ARPC1A: variants seen among roughly 807,000 people sequenced by gnomAD.
ARPC1A encodes the protein actin-related protein 2/3 complex subunit 1A.
ARPC1A carries 8 observed loss-of-function variants against 46.9 expected under a neutral mutation model. The observed-to-expected ratio is 0.17, with a 90% CI of 0.10 to 0.31. The LOEUF (loss-of-function observed/expected upper bound fraction) is 0.31, where lower values mean the gene tolerates loss of function less well. Among genes scored for constraint, ARPC1A ranks in the 10% least tolerant of loss-of-function variants. The pLI is 1.00. For missense variants in ARPC1A, 286 were observed against 483.6 expected, an observed-to-expected ratio of 0.59 and a Z score of 3.83; for synonymous variants, 152 against 169.0, an observed-to-expected ratio of 0.90 and a Z score of 0.78.
At chr7:99,360,457 C>G (rs977075834) in intron 8 of ARPC1A, among the ~76,000 whole-genome samples, 1 of 151,820 alleles carries the variant, frequency 6.6e-6, no homozygotes. Flanking sequence ...TCCCAAGAAG[C>G]TGGGATTACA....
intron 1 of ARPC1A, among the ~76,000 whole-genome samples, chr7:99,327,416 T>C (rs1217306155): frequency 1.3e-5 from 2 of 152,054 alleles, no homozygotes. Context: ...GTTCAAGCGA[T>C]TCTCCTGCCT....
chr7:99,332,792 G>A lies in ARPC1A; in HGVS notation c.-29-533G>A, dbSNP rs189626993. Among the ~76,000 whole-genome samples, 336 of 144,836 alleles carry A rather than the reference G, an allele frequency of 2.3e-3. 1 individual carries two copies. Among genetic ancestry groups the A allele is most frequent in the Non-Finnish European group, 3.8e-3 (247 of 64,546 alleles). On this transcript the variant is annotated intron_variant, in intron 1 of 9. Coordinates refer to ENST00000262942, the MANE Select transcript of ARPC1A (RefSeq NM_006409.4). The stretch of plus-strand genomic sequence containing the variant: ...AATTTTTTGTATTTTTAGTAGAGAC[G>A]GGGTTTCACCGTGTTAGCCAGGATG...
At chr7:99,338,446 C>T (rs970319593) in intron 3 of ARPC1A, among the ~76,000 whole-genome samples, 161 bp downstream of exon 3, 16 of 133,420 alleles carry the variant, frequency 1.2e-4, no homozygotes, top group Non-Finnish European at 1.2e-4. Flanking sequence ...ACTGCAATGG[C>T]GCAATCTCGG....
intron 3 of ARPC1A, among the ~76,000 whole-genome samples, chr7:99,339,591 A>T (rs1229716807): frequency 6.6e-6 from 1 of 152,214 alleles, no homozygotes; most frequent in Admixed American, 6.5e-5. Flanking sequence ...GAAGCTACAT[A>T]AATGGCATGA....
chr7:99,354,149 TG>T (rs1381286464), intron 6 of ARPC1A, 28 bp downstream of exon 6: 19 of 1,604,376 alleles, frequency 1.2e-5, no homozygotes, highest in Non-Finnish European at 1.6e-5. Flanking sequence ...ATTTGGAAGG[TG>T]GGGAACAAGG....
chr7:99,346,595 T>G lies in ARPC1A; in HGVS notation c.392+2080T>G, dbSNP rs73709648. ...TGTAGAACAATTATTTCATATTTCA[T>G]AGGAGTACTTTAAAACAACTTCTCA... On this transcript the variant is annotated intron_variant, in intron 4 of 9. Transcript: ENST00000262942. Among the ~76,000 whole-genome samples the G allele has an allele frequency of 8.1e-3, 1,239 of 152,302 alleles. 17 individuals are homozygous for G. The highest frequency in any genetic ancestry group is 0.026 in the African/African-American group (1,095 of 41,564).
chr7:99,356,102 T>C (rs943259173), intron 6 of ARPC1A, among the ~76,000 whole-genome samples: 1 of 152,166 alleles, frequency 6.6e-6, no homozygotes, highest in Non-Finnish European at 1.5e-5. Flanking sequence ...TCCTTTTCCA[T>C]TGATAGCTAA....
chr7:99,363,118 C>T (rs1050266224), intron 8 of ARPC1A, among the ~76,000 whole-genome samples: 1 of 152,152 alleles, frequency 6.6e-6, no homozygotes, highest in African/African-American at 2.4e-5. Context: ...TGGGCTGGGT[C>T]ATTCCTGCTT....
At chr7:99,349,851 A>G (rs932911440) in intron 5 of ARPC1A, among the ~76,000 whole-genome samples, 1 of 151,848 alleles carries the variant, frequency 6.6e-6, no homozygotes, top group African/African-American at 2.4e-5. Flanking sequence ...AAATAAATAA[A>G]TAAATAAAAG....
intron 3 of ARPC1A, among the ~76,000 whole-genome samples, chr7:99,343,848 GT>G (rs781062668): frequency 6.6e-6 from 1 of 152,104 alleles, no homozygotes; most frequent in Admixed American, 6.6e-5. Flanking sequence ...TATTTACCCT[GT>G]ATGCTGTTTT....
chr7:99,338,147 C>G (rs1229200789), intron 2 of ARPC1A, 34 bp from the exon 3 acceptor site: 1 of 1,490,862 alleles, frequency 6.7e-7, no homozygotes, highest in Non-Finnish European at 9.3e-7. Flanking sequence ...ATTGCAAGTT[C>G]AGGTGTTAAC....
intron 4 of ARPC1A, among the ~76,000 whole-genome samples, chr7:99,346,544 C>G (rs1272552652): frequency 6.6e-6 from 1 of 152,140 alleles, no homozygotes; most frequent in Non-Finnish European, 1.5e-5. Flanking sequence ...TTTGAACAAG[C>G]TGTATGTTTA....
intron 7 of ARPC1A, 70 bp from the exon 8 acceptor site, chr7:99,359,475 G>A (rs929709154): frequency 1.3e-6 from 2 of 1,482,210 alleles, no homozygotes; most frequent in Non-Finnish European, 1.9e-6. Flanking sequence ...GCCTGTCGTG[G>A]TGAACACTCT....
chr7:99,334,323 C>T (rs562435390), intron 2 of ARPC1A, among the ~76,000 whole-genome samples: 3 of 151,862 alleles, frequency 2.0e-5, no homozygotes, highest in Non-Finnish European at 4.4e-5. Flanking sequence ...GATTGTGCCA[C>T]TGTACTCCAG....
intron 4 of ARPC1A, among the ~76,000 whole-genome samples, chr7:99,345,214 G>C (rs1272162376): frequency 1.3e-5 from 2 of 151,792 alleles, no homozygotes; most frequent in Non-Finnish European, 2.9e-5. Flanking sequence ...TTACAGGCGT[G>C]AGCCACCACG....
chr7:99,359,706 G>A lies in ARPC1A; in HGVS notation c.951G>A (p.Thr317=), dbSNP rs752395773. Residue 317 remains threonine, a synonymous_variant, in exon 8 of 10, where the codon ACG becomes ACA. Transcript: ENST00000262942. ...DKRATTEDRN[T]ALETLHQNSI... The stretch of plus-strand genomic sequence containing the variant: ...GAGCCACAACTGAGGACCGCAACAC[G>A]GCCTTGGAGACGCTGCACCAGAATA... 1.7e-5 allele frequency: 28 copies of A among 1,614,012 alleles called. No individual in the cohort carries two copies. Among genetic ancestry groups the A allele is most frequent in the Non-Finnish European group, 1.9e-5 (23 of 1,180,040 alleles).
rs1441006732 is a variant in ARPC1A at position 99,358,490 on chromosome 7, C to T, written c.789+75C>T. ...AGACAGGGAACAATGTGTGCTCTGT[C>T]ACCCTAGCACAAAGCAGAACAGTTT... On this transcript the variant is annotated intron_variant, in intron 7 of 9. Transcript: ENST00000262942. 5.7e-6 allele frequency: 7 copies of T among 1,225,298 alleles called. No individual in the cohort carries two copies. In the Admixed American group the frequency reaches 1.1e-4, roughly 19 times the overall value. 75.9% of individuals were successfully genotyped at this position (1,225,298 alleles called of 1,614,324 possible).
intron 8 of ARPC1A, among the ~76,000 whole-genome samples, chr7:99,362,948 A>C (rs1793770016): frequency 6.6e-6 from 1 of 152,058 alleles, no homozygotes; most frequent in Admixed American, 6.6e-5. Flanking sequence ...GCTTATCTGC[A>C]CTGGCTGTCT....
chr7:99,360,941 A>AG (rs535330948), intron 8 of ARPC1A, among the ~76,000 whole-genome samples: 1 of 65,380 alleles, frequency 1.5e-5, no homozygotes, highest in African/African-American at 3.3e-4. Flanking sequence ...ACTCCGTCTC[A>AG]AAAAAAAAAA....
Sources: gnomAD v4.1 joint callset for allele counts (sites outside exome capture counted in the v4.1 genomes callset) on GRCh38, gnomAD v4.1.1 for gene constraint, MANE v1.5 for transcripts, NCBI Gene and HGNC (gene_info 2026-07-23, HGNC 2026-07-21) for gene names.